SMARCC1: variants seen among roughly 807,000 people sequenced by gnomAD.
SMARCC1 encodes the protein SWI/SNF related BAF chromatin remodeling complex subunit C1.
SMARCC1 carries 43 observed loss-of-function variants against 147.4 expected under a neutral mutation model. That is an observed-to-expected ratio of 0.29 (90% CI 0.23 to 0.38). The LOEUF (loss-of-function observed/expected upper bound fraction) is 0.38. SMARCC1 is among the 10% of genes least tolerant of loss of function. The pLI is 1.00. For synonymous variants in SMARCC1, 495 were observed against 484.4 expected (o/e 1.02, Z -0.29); for missense variants, 1,119 against 1,381.1 (o/e 0.81, Z 3.01).
At chr3:47,593,210 T>C (rs1385216047) in intron 26 of SMARCC1, among the ~76,000 whole-genome samples, 1 of 152,068 alleles carries the variant, frequency 6.6e-6, no homozygotes, top group Admixed American at 6.5e-5. Context: ...TTTTTCTTTT[T>C]TGAGACAGAA....
chr3:47,613,824 C>T (rs1038370785), intron 25 of SMARCC1, among the ~76,000 whole-genome samples: 9 of 152,176 alleles, frequency 5.9e-5, no homozygotes, highest in African/African-American at 1.2e-4. Context: ...GCCTTCCTCT[C>T]CCTCTTCACT....
intron 2 of SMARCC1, among the ~76,000 whole-genome samples, chr3:47,761,424 G>A (rs2034771802): frequency 6.6e-6 from 1 of 152,190 alleles, no homozygotes; most frequent in African/African-American, 2.4e-5. Flanking sequence ...CTGGTGAAAT[G>A]TGAAGATAGA....
In SMARCC1 at chr3:47,586,349, A is replaced by G. The variant is rs536805151; in HGVS notation, c.*1860T>C. ...TGGGAAAGACTGGCAGGAAGTAGGTAAAACCCTGGCCATTGTCAAAAGGCA... is the reference window on the plus strand; with the variant it reads ...TGGGAAAGACTGGCAGGAAGTAGGTGAAACCCTGGCCATTGTCAAAAGGCA... On this transcript the variant is annotated 3_prime_UTR_variant, in exon 28 of 28. Transcript: ENST00000254480. The G allele has an allele frequency of 6.6e-6, 1 of 152,366 alleles. No individual in the cohort carries two copies. The highest frequency in any genetic ancestry group is 1.5e-5 in the Non-Finnish European group (1 of 68,032). 9.4% of individuals were successfully genotyped at this position (152,366 alleles called of 1,614,324 possible).
intron 1 of SMARCC1, among the ~76,000 whole-genome samples, chr3:47,774,373 C>T (rs975265425): frequency 6.6e-6 from 1 of 151,888 alleles, no homozygotes; most frequent in Non-Finnish European, 1.5e-5. Flanking sequence ...GCACTCCAGC[C>T]TGGGTGACAG....
chr3:47,751,808 G>A (rs986605434), intron 2 of SMARCC1, among the ~76,000 whole-genome samples: 6 of 152,008 alleles, frequency 3.9e-5, no homozygotes, highest in African/African-American at 1.4e-4. Flanking sequence ...CCTTGGCCAG[G>A]CGCAGTAGCT....
chr3:47,655,084 T>C (rs2033243752), intron 21 of SMARCC1, among the ~76,000 whole-genome samples: 1 of 152,160 alleles, frequency 6.6e-6, no homozygotes, highest in Non-Finnish European at 1.5e-5. Context: ...TGCAAACTCA[T>C]AAAAAATGGT....
intron 19 of SMARCC1, chr3:47,663,886 A>C (rs1289651594): frequency 3.3e-6 from 5 of 1,506,766 alleles, no homozygotes; most frequent in Non-Finnish European, 4.6e-6. Flanking sequence ...TCACGGTCAC[A>C]GCCATCTTGC....
chr3:47,673,009 A>G (rs2033520758), intron 18 of SMARCC1, among the ~76,000 whole-genome samples: 3 of 151,908 alleles, frequency 2.0e-5, no homozygotes, highest in South Asian at 4.2e-4. Context: ...TCCTCTCTTG[A>G]TAACAATTGG....
chr3:47,701,416 G>C lies in SMARCC1; in HGVS notation c.1041-14C>G. On this transcript the variant is annotated splice_polypyrimidine_tract_variant and intron_variant, in intron 10 of 27. Coordinates refer to ENST00000254480, the MANE Select transcript of SMARCC1 (RefSeq NM_003074.4). ...AGGCTAGCTTGGCTAAAACATACAA[G>C]TATATGAAATATAAACAAGACTGAT... 6.2e-7 allele frequency: 1 copy of C among 1,611,710 alleles called. No individual in the cohort carries two copies. Among genetic ancestry groups the C allele is most frequent in the Non-Finnish European group, 8.5e-7 (1 of 1,178,254 alleles).
intron 26 of SMARCC1, among the ~76,000 whole-genome samples, chr3:47,599,433 T>C (rs1559622520): frequency 6.6e-6 from 1 of 152,218 alleles, no homozygotes; most frequent in Non-Finnish European, 1.5e-5. Flanking sequence ...ACATGTGCTA[T>C]GCCTTAGGCA....
chr3:47,680,631 T>G (rs2033633010), intron 14 of SMARCC1, 123 bp from the exon 15 acceptor site: 1 of 489,814 alleles, frequency 2.0e-6, no homozygotes, highest in African/African-American at 2.3e-5. Flanking sequence ...CACTGCAAGC[T>G]CCGCCTCCCG....
chr3:47,780,812 T>C (rs552033530), intron 1 of SMARCC1, among the ~76,000 whole-genome samples: 3 of 151,482 alleles, frequency 2.0e-5, no homozygotes, highest in Non-Finnish European at 4.4e-5. Flanking sequence ...CCTGAATATT[T>C]ACACAAAAGG....
At chr3:47,659,771 G>GGGGC in intron 21 of SMARCC1, among the ~76,000 whole-genome samples, 2 of 90,102 alleles carry the variant, frequency 2.2e-5, no homozygotes, top group East Asian at 4.0e-4. Flanking sequence ...GGGGGGGGGG[G>GGGGC]CAAGAATCTG....
At chr3:47,723,453 G>A (rs2034260539) in intron 6 of SMARCC1, among the ~76,000 whole-genome samples, 1 of 145,430 alleles carries the variant, frequency 6.9e-6, no homozygotes, top group Non-Finnish European at 1.5e-5. Flanking sequence ...CAGCCAGGGT[G>A]ACGGAATGAA....
chr3:47,755,469 C>A lies in SMARCC1; in HGVS notation c.316-9476G>T, dbSNP rs550945715. ...CTGAGATCGCGCCACTGCACTCCAG[C>A]CTGGGCAACAGAGCAAGACTCTGTC... On this transcript the variant is annotated intron_variant, in intron 2 of 27. Coordinates refer to ENST00000254480, the MANE Select transcript of SMARCC1 (RefSeq NM_003074.4). Among the ~76,000 whole-genome samples, 23 of 149,246 alleles carry A rather than the reference C, an allele frequency of 1.5e-4. No individual in the cohort carries two copies. The South Asian group carries it at 4.7e-3, about 30-fold the overall frequency.
chr3:47,631,558 C>T (rs1251494490), intron 24 of SMARCC1, among the ~76,000 whole-genome samples: 1 of 152,180 alleles, frequency 6.6e-6, no homozygotes, highest in Non-Finnish European at 1.5e-5. Context: ...ACCCACACAC[C>T]ACTCCTTTAG....
chr3:47,677,937 G>A (rs746413321), intron 16 of SMARCC1, among the ~76,000 whole-genome samples: 7 of 152,000 alleles, frequency 4.6e-5, no homozygotes, highest in African/African-American at 7.3e-5. Context: ...AATCGCTTGA[G>A]GCCAGGAGAT....
rs577173806 is a variant in SMARCC1, at chr3:47,618,392, A to T, written c.2781+3815T>A. Among the ~76,000 whole-genome samples the T allele has an allele frequency of 4.5e-3, 684 of 151,916 alleles. 7 individuals are homozygous for T. The highest frequency in any genetic ancestry group is 0.011 in the South Asian group (52 of 4,804). ...TCTTGTCAATATTTAAAAAAAAAAAAAAAATTAGCTGGGCACAGTGCCTCA... is the reference window on the plus strand; with the variant it reads ...TCTTGTCAATATTTAAAAAAAAAAATAAAATTAGCTGGGCACAGTGCCTCA... On this transcript the variant is annotated intron_variant, in intron 25 of 27. Coordinates refer to ENST00000254480, the MANE Select transcript of SMARCC1 (RefSeq NM_003074.4).
intron 21 of SMARCC1, among the ~76,000 whole-genome samples, chr3:47,657,284 C>A (rs1057163058): frequency 2.0e-5 from 3 of 152,088 alleles, no homozygotes; most frequent in African/African-American, 7.2e-5. Flanking sequence ...TTCTCAAATG[C>A]ACAAAGAATG....
Sources: gnomAD v4.1 joint callset for allele counts (sites outside exome capture counted in the v4.1 genomes callset) on GRCh38, gnomAD v4.1.1 for gene constraint, MANE v1.5 for transcripts, NCBI Gene and HGNC (gene_info 2026-07-23, HGNC 2026-07-21) for gene names.